Variants in PPFIBP2 observed in about 807,000 individuals in gnomAD.
The protein encoded by PPFIBP2 is liprin-beta-2.
Under a neutral mutation model 118.3 loss-of-function variants are expected in PPFIBP2, and 118 were observed. The observed-to-expected ratio is 1.00, with a 90% CI of 0.86 to 1.16. The LOEUF (loss-of-function observed/expected upper bound fraction) is 1.16. Ranked by LOEUF, PPFIBP2 falls within the 50% of genes most tolerant of loss-of-function variation. PPFIBP2 has a pLI of 0.00. For missense variants in PPFIBP2, 1,195 were observed against 1,073.1 expected, an observed-to-expected ratio of 1.11 and a Z score of -1.59; for synonymous variants, 414 against 397.4, an observed-to-expected ratio of 1.04 and a Z score of -0.50.
intron 17 of PPFIBP2, 70 bp downstream of exon 17, chr11:7,642,496 G>A (rs977968638): frequency 7.4e-6 from 11 of 1,490,632 alleles, no homozygotes; most frequent in East Asian, 7.3e-5. Flanking sequence ...AAACCTGCAT[G>A]GGTGAATCTT....
intron 2 of PPFIBP2, among the ~76,000 whole-genome samples, chr11:7,554,819 T>G (rs1405753286): frequency 6.6e-6 from 1 of 150,822 alleles, no homozygotes; most frequent in Non-Finnish European, 1.5e-5. Context: ...TAGACTAGAT[T>G]GGGTCTATAC....
chr11:7,586,826 C>T (rs778711829), intron 3 of PPFIBP2, among the ~76,000 whole-genome samples: 3 of 152,176 alleles, frequency 2.0e-5, no homozygotes, highest in Non-Finnish European at 4.4e-5. Context: ...AACAGGGAAC[C>T]CAGAGCTCTC....
intron 2 of PPFIBP2, 71 bp downstream of exon 2, chr11:7,549,610 T>C (rs1852723350): frequency 7.2e-6 from 2 of 277,236 alleles, no homozygotes; most frequent in South Asian, 9.9e-5. Flanking sequence ...CTCCTTTTAC[T>C]TTTTTTTTTT....
the PPFIBP2 span, among the ~76,000 whole-genome samples, chr11:7,662,766 C>G: frequency 1.3e-5 from 2 of 151,522 alleles, no homozygotes; most frequent in African/African-American, 4.8e-5. Flanking sequence ...TCCATTCTCC[C>G]CATCACATTC....
At chr11:7,583,265 T>C (rs1197898464) in intron 3 of PPFIBP2, among the ~76,000 whole-genome samples, 2 of 152,214 alleles carry the variant, frequency 1.3e-5, no homozygotes, top group Admixed American at 6.5e-5. Flanking sequence ...AATGGCATTC[T>C]TGTGACCCGA....
intron 23 of PPFIBP2, among the ~76,000 whole-genome samples, chr11:7,652,314 G>A (rs1854161432): frequency 6.6e-6 from 1 of 152,156 alleles, no homozygotes; most frequent in South Asian, 2.1e-4. Context: ...ATACCCAGAG[G>A]TCCCCAGGTC....
chr11:7,546,655 T>G (rs138248799), intron 1 of PPFIBP2, among the ~76,000 whole-genome samples: 5 of 152,360 alleles, frequency 3.3e-5, no homozygotes, highest in African/African-American at 1.2e-4. Flanking sequence ...TGGAAGGCTT[T>G]GACTCATCTT....
At chr11:7,524,783 G>A (rs1288882259) in intron 1 of PPFIBP2, among the ~76,000 whole-genome samples, 1 of 152,002 alleles carries the variant, frequency 6.6e-6, no homozygotes, top group Non-Finnish European at 1.5e-5. Context: ...TGGCCTGAGG[G>A]GGTGGAGATC....
chr11:7,631,111 C>A, intron 11 of PPFIBP2, 83 bp downstream of exon 11: 2 of 998,536 alleles, frequency 2.0e-6, no homozygotes, highest in Non-Finnish European at 3.2e-6. Context: ...TAGTCAGACA[C>A]GTGTCAGGTG....
chr11:7,632,972 C>G, intron 12 of PPFIBP2, 38 bp downstream of exon 12: 1 of 1,585,674 alleles, frequency 6.3e-7, no homozygotes, highest in Non-Finnish European at 8.7e-7. Context: ...CCACTGTGCT[C>G]TCAGGCTTGC....
chr11:7,635,616 C>T (rs752248594), intron 14 of PPFIBP2, 23 bp downstream of exon 14: 6 of 1,593,854 alleles, frequency 3.8e-6, no homozygotes, highest in African/African-American at 1.3e-5. Context: ...CGTGCCCCGT[C>T]GTCTATTTGT....
At chr11:7,624,454 T>C (rs919212291) in intron 7 of PPFIBP2, among the ~76,000 whole-genome samples, 4 of 152,214 alleles carry the variant, frequency 2.6e-5, no homozygotes, top group African/African-American at 9.6e-5. Flanking sequence ...GCAACAGAGT[T>C]GCCAACAGGG....
chr11:7,651,623 T>C (rs748870276), intron 22 of PPFIBP2, 33 bp from the exon 23 acceptor site: 18 of 1,568,534 alleles, frequency 1.1e-5, no homozygotes, highest in Admixed American at 3.5e-5. Context: ...TTGTATTTGC[T>C]CCTGGCCAGG....
At chr11:7,597,159 G>C in intron 4 of PPFIBP2, 11 of 1,447,820 alleles carry the variant, frequency 7.6e-6, no homozygotes, top group Non-Finnish European at 1.0e-5. Flanking sequence ...TAGTTTCCAT[G>C]AAGTTTGGAC....
At chr11:7,594,495 G>C (rs1249932371) in intron 4 of PPFIBP2, among the ~76,000 whole-genome samples, 1 of 152,252 alleles carries the variant, frequency 6.6e-6, no homozygotes, top group Non-Finnish European at 1.5e-5. Flanking sequence ...GAAAGAGAGA[G>C]AGTGGGCCAG....
At chr11:7,525,526 G>A (rs1470992388) in intron 1 of PPFIBP2, among the ~76,000 whole-genome samples, 1 of 152,190 alleles carries the variant, frequency 6.6e-6, no homozygotes, top group Admixed American at 6.5e-5. Context: ...GGCAACCATG[G>A]TGGCGGTGAG....
At chr11:7,657,113 T>C (rs1284846116), downstream of PPFIBP2, 2 of 244,792 alleles carry the variant, frequency 8.2e-6, no homozygotes, top group Non-Finnish European at 1.7e-5. Flanking sequence ...GCTCGTGATA[T>C]TCCTGGTGAC....
At chr11:7,666,140 GTGTATGTGATGGC>G in the PPFIBP2 span, 17 of 606,952 alleles carry the variant, frequency 2.8e-5, no homozygotes, top group Admixed American at 2.8e-5. Context: ...CATATTAGAT[GTGTATGTGATGGC>G]TGTGTGGAAT....
At position 7,610,344 on chromosome 11, in the gene PPFIBP2, A is replaced by G. The variant is rs779070629; in HGVS notation, c.540A>G (p.Glu180=). 6.2e-7 allele frequency: 1 copy of G among 1,614,082 alleles called. No homozygotes were observed. Among genetic ancestry groups the G allele is most frequent in the African/African-American group, 1.3e-5 (1 of 74,932 alleles). ...LETQKLDLMT[E]VSELKLKLVG... ...CCCAGAAGCTCGATCTGATGACTGA[A>G]GTGTCTGAGCTGAAGCTCAAGCTGG... is the stretch of plus-strand genomic sequence containing the variant. The change falls in exon 6 of 24, where the codon GAA becomes GAG. Residue 180 remains glutamate (E), a synonymous_variant. Coordinates refer to ENST00000299492, the MANE Select transcript of PPFIBP2 (RefSeq NM_003621.5).
Sources: allele counts gnomAD v4.1 joint callset (sites outside exome capture counted in the v4.1 genomes callset), GRCh38; gene constraint gnomAD v4.1.1; transcripts MANE v1.5; gene names NCBI Gene and HGNC (gene_info 2026-07-23, HGNC 2026-07-21).